The following TDRD9 variants were observed in gnomAD, a reference collection of about 807,000 sequenced individuals.
TDRD9 encodes the protein ATP-dependent RNA helicase TDRD9.
Under a neutral mutation model 172.6 loss-of-function variants are expected in TDRD9, and 124 were observed. The observed-to-expected ratio is 0.72, with a 90% confidence interval of 0.62 to 0.83. The LOEUF (loss-of-function observed/expected upper bound fraction) is 0.83, where lower values mean the gene tolerates loss of function less well. Ranked by LOEUF, TDRD9 falls within the 40% of genes least tolerant of loss-of-function variation. TDRD9 has a pLI of 0.00. For missense variants in TDRD9, 1,479 were observed against 1,714.1 expected (o/e 0.86, Z 2.42); for synonymous variants, 619 against 617.1 (o/e 1.00, Z -0.05).
chr14:103,934,666 C>CCGCTACT (rs1402346363), intron 1 of TDRD9, among the ~76,000 whole-genome samples: 1 of 152,330 alleles, frequency 6.6e-6, no homozygotes, highest in African/African-American at 2.4e-5. Flanking sequence ...CCTGTAGTCC[C>CCGCTACT]CGCTACTCGG....
intron 23 of TDRD9, among the ~76,000 whole-genome samples, chr14:104,019,945 G>A (rs532836254): frequency 6.6e-6 from 1 of 152,314 alleles, no homozygotes; most frequent in African/African-American, 2.4e-5. Flanking sequence ...GAGGCCTCGG[G>A]CTGGTGCAGT....
chr14:103,939,050 C>T (rs1023498953), intron 1 of TDRD9, among the ~76,000 whole-genome samples: 5 of 151,868 alleles, frequency 3.3e-5, no homozygotes, highest in East Asian at 1.9e-4. Flanking sequence ...GGCTAGGATT[C>T]GTTTTCATCC....
rs938209145 is a variant in TDRD9 at position 103,928,519 on chromosome 14, A to T, written c.10A>T (p.Lys4Ter). 2 of 1,425,122 alleles carry T rather than the reference A, an allele frequency of 1.4e-6. No homozygotes were observed. The highest frequency in any genetic ancestry group is 1.9e-6 in the Non-Finnish European group (2 of 1,079,118). The allele number at this position is 1,425,122 out of a possible 1,614,324, so 88.3% of individuals were successfully genotyped here. MLR[K>*]LTIEQINDWF... ...CGCCTGGGCCTTGAGGATGCTGCGGAAGCTCACCATCGAGCAGATCAACGA... is the reference window on the plus strand; with the variant it reads ...CGCCTGGGCCTTGAGGATGCTGCGGTAGCTCACCATCGAGCAGATCAACGA... Residue 4 changes from lysine to a stop codon, truncating the protein, a stop_gained, in exon 1 of 36, where the codon AAG becomes TAG. Transcript: ENST00000409874. LOFTEE classifies it high-confidence loss of function.
At chr14:103,939,575 C>G (rs1387192666) in intron 1 of TDRD9, among the ~76,000 whole-genome samples, 2 of 148,968 alleles carry the variant, frequency 1.3e-5, no homozygotes, top group Non-Finnish European at 3.0e-5. Context: ...AAACCCTGAT[C>G]AGGTGGGTTG....
chr14:104,014,682 A>T (rs767625554), intron 20 of TDRD9, 43 bp from the exon 21 acceptor site: 2 of 1,145,912 alleles, frequency 1.7e-6, no homozygotes, highest in Non-Finnish European at 2.6e-6. Context: ...CTCTGATGAC[A>T]TATGTACCTT....
chr14:103,990,874 TTC>T (rs928035968), intron 8 of TDRD9, among the ~76,000 whole-genome samples: 1 of 152,224 alleles, frequency 6.6e-6, no homozygotes, highest in African/African-American at 2.4e-5. Flanking sequence ...TACTTTGAAG[TTC>T]TTGATTACAA....
intron 12 of TDRD9, among the ~76,000 whole-genome samples, chr14:103,998,161 T>A (rs7143739): frequency 2.1e-4 from 28 of 136,136 alleles, no homozygotes; most frequent in African/African-American, 2.6e-4. Context: ...TGCACACTTC[T>A]ACCCACCCAC....
At chr14:103,993,138 T>A (rs61997577) in intron 9 of TDRD9, among the ~76,000 whole-genome samples, 2 of 44,670 alleles carry the variant, frequency 4.5e-5, no homozygotes, top group African/African-American at 2.2e-4. Flanking sequence ...CCTGGCCAAA[T>A]TTTTTTTTTT....
chr14:104,016,279 T>A (rs1161034488), intron 22 of TDRD9, among the ~76,000 whole-genome samples, 191 bp downstream of exon 22: 2 of 152,234 alleles, frequency 1.3e-5, no homozygotes, highest in Non-Finnish European at 2.9e-5. Context: ...CCTCAGTCTC[T>A]TGCCTCCTTT....
rs371419801 is a variant in TDRD9, at chr14:104,046,907, A to G, written c.3975-2701A>G. ...GTGATCCGCCCACCTCGGCCTCCCA[A>G]AGTGCTGGGATTACAGGCGTGAGCC... On this transcript the variant is annotated intron_variant, in intron 34 of 35. Transcript: ENST00000409874. 3.1e-3 allele frequency among the ~76,000 whole-genome samples: 469 copies of G among 152,264 alleles called. 2 individuals carry two copies. Among genetic ancestry groups the G allele is most frequent in the African/African-American group, 0.011 (447 of 41,558 alleles).
intron 1 of TDRD9, among the ~76,000 whole-genome samples, chr14:103,952,573 T>C (rs1232339123): frequency 1.3e-5 from 2 of 151,576 alleles, no homozygotes; most frequent in Admixed American, 6.6e-5. Flanking sequence ...AATAAAAAGA[T>C]TGAAAAAAAT....
At chr14:103,942,699 GA>G (rs2031311358) in intron 1 of TDRD9, among the ~76,000 whole-genome samples, 1 of 152,170 alleles carries the variant, frequency 6.6e-6, no homozygotes, top group South Asian at 2.1e-4. Flanking sequence ...AGGAAAAATA[GA>G]TTAGACTTGA....
chr14:104,021,372 C>T (rs1203593036), intron 23 of TDRD9, among the ~76,000 whole-genome samples: 1 of 152,174 alleles, frequency 6.6e-6, no homozygotes, highest in Non-Finnish European at 1.5e-5. Flanking sequence ...ATTTATATCA[C>T]TTGGCAATCA....
At chr14:103,975,234 A>G (rs1454247613) in intron 6 of TDRD9, among the ~76,000 whole-genome samples, 155 bp from the exon 7 acceptor site, 1 of 152,250 alleles carries the variant, frequency 6.6e-6, no homozygotes, top group Non-Finnish European at 1.5e-5. Context: ...TTTAAACTAC[A>G]ATAATTACAC....
intron 1 of TDRD9, among the ~76,000 whole-genome samples, chr14:103,931,486 C>T (rs908243617): frequency 3.9e-5 from 6 of 152,250 alleles, no homozygotes; most frequent in East Asian, 3.9e-4. Flanking sequence ...GTTTCCAGCA[C>T]GTAGCAGGCA....
rs980141808 is a variant in TDRD9, at chr14:103,990,792, T to G, written c.1116-368T>G. On this transcript the variant is annotated intron_variant, in intron 8 of 35. Transcript: ENST00000409874. ...AAGTAGATGATTTGAGATTTTGGTC[T>G]GTACAAATCCTTTCTAATAGTTTGG... Among the ~76,000 whole-genome samples, 7 of 152,368 alleles carry G rather than the reference T, an allele frequency of 4.6e-5. No individual in the cohort carries two copies. In the South Asian group the frequency reaches 1.4e-3, roughly 32 times the overall value.
intron 14 of TDRD9, among the ~76,000 whole-genome samples, chr14:104,004,774 A>G (rs911780547): frequency 6.6e-6 from 1 of 152,134 alleles, no homozygotes; most frequent in Non-Finnish European, 1.5e-5. Flanking sequence ...TGGGCTCACT[A>G]TTGATTACAC....
intron 2 of TDRD9, among the ~76,000 whole-genome samples, chr14:103,962,564 G>A (rs2032557715): frequency 6.6e-6 from 1 of 152,148 alleles, no homozygotes; most frequent in Non-Finnish European, 1.5e-5. Context: ...TGAGGTTTGG[G>A]CTTCCACTGA....
In TDRD9 at chr14:103,993,294, GTA is replaced by G. The variant is rs1195155527; in HGVS notation, c.1181-1037_1181-1036del. 3.3e-5 allele frequency among the ~76,000 whole-genome samples: 5 copies of G among 152,218 alleles called. No homozygotes were observed. The South Asian group carries it at 1.0e-3, about 32-fold the overall frequency. On this transcript the variant is annotated intron_variant, in intron 9 of 35. Transcript: ENST00000409874. Reference sequence around the variant, plus strand: ...AGGTGTGAGCCACTGCTCCTGGCTGGTAAATACTTTTTACCTGCTAAACATTG... The same window carrying G: ...AGGTGTGAGCCACTGCTCCTGGCTGGAATACTTTTTACCTGCTAAACATTG...
Sources: gnomAD v4.1 joint callset for allele counts (sites outside exome capture counted in the v4.1 genomes callset) on GRCh38, gnomAD v4.1.1 for gene constraint, MANE v1.5 for transcripts, NCBI Gene and HGNC (gene_info 2026-07-23, HGNC 2026-07-21) for gene names.